Variants in THRB observed in about 807,000 individuals in gnomAD.
THRB encodes nuclear receptor subfamily 1 group A member 2.
THRB carries 12 observed loss-of-function variants against 47.8 expected under a neutral mutation model. The ratio of observed to expected loss-of-function variants is 0.25; its 90% CI spans 0.16 to 0.41. The LOEUF (loss-of-function observed/expected upper bound fraction) is 0.41, where lower values mean the gene tolerates loss of function less well. THRB is among the 10% of genes least tolerant of loss of function. The probability of loss-of-function intolerance (pLI) is 1.00; values close to 1 mark genes in which losing one functional copy is unlikely to be tolerated. For missense variants in THRB, 348 were observed against 589.2 expected (o/e 0.59, Z 4.24); for synonymous variants, 218 against 212.2 (o/e 1.03, Z -0.24).
At chr3:24,157,778 G>C (rs879303093) in intron 5 of THRB, among the ~76,000 whole-genome samples, 1 of 152,100 alleles carries the variant, frequency 6.6e-6, no homozygotes, top group East Asian at 1.9e-4. Flanking sequence ...CCAGCCTCCC[G>C]TCTTGGCCTC....
chr3:24,250,500 T>G (rs2050556831), intron 3 of THRB, among the ~76,000 whole-genome samples: 1 of 151,838 alleles, frequency 6.6e-6, no homozygotes. Context: ...AGTTCAAGAG[T>G]AGCCTGGACA....
At chr3:24,438,050 T>C (rs2071148663) in intron 1 of THRB, among the ~76,000 whole-genome samples, 1 of 150,708 alleles carries the variant, frequency 6.6e-6, no homozygotes, top group African/African-American at 2.4e-5. Flanking sequence ...TCTCATTTGG[T>C]CTTCATGAGA....
At chr3:24,183,363 C>CTT (rs2042158277) in intron 5 of THRB, among the ~76,000 whole-genome samples, 4 of 74,876 alleles carry the variant, frequency 5.3e-5, no homozygotes, top group South Asian at 4.2e-4. Flanking sequence ...TTTCTTTTTT[C>CTT]TTTTCTTTTT....
intron 8 of THRB, among the ~76,000 whole-genome samples, chr3:24,142,382 A>C (rs867321874): frequency 6.6e-6 from 1 of 152,234 alleles, no homozygotes; most frequent in Non-Finnish European, 1.5e-5. Flanking sequence ...CATTACAACG[A>C]AAGTAATTGT....
chr3:24,171,679 G>A lies in THRB; in HGVS notation c.283+18395C>T, dbSNP rs148680177. ...AGTGTTCTAGGGTTAAAAAGGTGCT[G>A]TGGAGGAAAGGGAGTAAAGGAACTT... On this transcript the variant is annotated intron_variant, in intron 5 of 10. Transcript: ENST00000646209. Among the ~76,000 whole-genome samples, 4 of 152,268 alleles carry A rather than the reference G, an allele frequency of 2.6e-5. No homozygotes were observed. The East Asian group carries it at 7.7e-4, about 29-fold the overall frequency.
intron 2 of THRB, among the ~76,000 whole-genome samples, chr3:24,319,831 A>G (rs748458569): frequency 6.6e-6 from 1 of 152,242 alleles, no homozygotes; most frequent in Non-Finnish European, 1.5e-5. Flanking sequence ...TTGCTTGTTC[A>G]GGGAAAAAGA....
intron 1 of THRB, among the ~76,000 whole-genome samples, chr3:24,395,295 TG>T (rs2150020331): frequency 6.6e-6 from 1 of 152,216 alleles, no homozygotes; most frequent in South Asian, 2.1e-4. Flanking sequence ...AAAACTTTTG[TG>T]CTTCAGTGAA....
intron 1 of THRB, among the ~76,000 whole-genome samples, chr3:24,435,879 A>G (rs565544552): frequency 1.3e-5 from 2 of 152,344 alleles, no homozygotes; most frequent in Non-Finnish European, 2.9e-5. Flanking sequence ...AGGCCTCAGT[A>G]TAATTCATTC....
chr3:24,235,989 T>C (rs2048824042), intron 3 of THRB, among the ~76,000 whole-genome samples: 2 of 152,120 alleles, frequency 1.3e-5, no homozygotes, highest in Non-Finnish European at 2.9e-5. Flanking sequence ...CACTTGAGCC[T>C]TCCCACAGCT....
rs139555243 is a variant in THRB, at chr3:24,221,877, T to C, written c.22+7061A>G. 1.8e-3 allele frequency among the ~76,000 whole-genome samples: 280 copies of C among 152,238 alleles called. 2 individuals are homozygous for C. Among genetic ancestry groups the C allele is most frequent in the African/African-American group, 6.0e-3 (249 of 41,544 alleles). ...TTTCAGAAAGCTCCCTACTTTTCTG[T>C]AGTAAGTTTCTCTTCCAAGAGAAGC... On this transcript the variant is annotated intron_variant, in intron 4 of 10. Coordinates refer to ENST00000646209, the MANE Select transcript of THRB (RefSeq NM_001354712.2).
Position 24,122,039 on chromosome 3 carries a change from G to A in THRB, c.*845C>T, listed in dbSNP as rs1352818295. 2 of 152,638 alleles carry A rather than the reference G, an allele frequency of 1.3e-5. No homozygotes were observed. The highest frequency in any genetic ancestry group is 4.8e-5 in the African/African-American group (2 of 41,444). 9.5% of individuals were successfully genotyped at this position (152,638 alleles called of 1,614,324 possible). ...ACAGATCAGATGCCACAGAAAAGGG[G>A]TGCCACCCTGTAAATAGGTTTGATT... On this transcript the variant is annotated 3_prime_UTR_variant, in exon 11 of 11. Transcript: ENST00000646209.
intron 2 of THRB, among the ~76,000 whole-genome samples, chr3:24,328,880 C>T (rs983542464): frequency 2.0e-5 from 3 of 152,152 alleles, no homozygotes; most frequent in Non-Finnish European, 2.9e-5. Context: ...AATATCCAAA[C>T]GCCTTAGACT....
chr3:24,174,795 A>G (rs1337996860), intron 5 of THRB, among the ~76,000 whole-genome samples: 1 of 152,158 alleles, frequency 6.6e-6, no homozygotes, highest in African/African-American at 2.4e-5. Flanking sequence ...CCTCACAGCA[A>G]TCCTGCTTGT....
intron 9 of THRB, 89 bp downstream of exon 9, chr3:24,133,227 A>G (rs2034139534): frequency 4.2e-6 from 6 of 1,435,516 alleles, no homozygotes; most frequent in Admixed American, 1.7e-5. Flanking sequence ...CCTACTAATT[A>G]ACATTAAATT....
At chr3:24,216,602 C>T (rs999339796) in intron 4 of THRB, among the ~76,000 whole-genome samples, 15 of 148,708 alleles carry the variant, frequency 1.0e-4, no homozygotes, top group Admixed American at 5.3e-4. Flanking sequence ...AGCGAGACTC[C>T]GCCTCAAAAA....
intron 1 of THRB, among the ~76,000 whole-genome samples, chr3:24,465,068 G>C (rs1322788378): frequency 6.6e-6 from 1 of 151,104 alleles, no homozygotes; most frequent in Non-Finnish European, 1.5e-5. Flanking sequence ...TTCTTTCTTG[G>C]TTCAATTCTC....
rs1376047318 is a variant in THRB at position 24,483,812 on chromosome 3, C to T, written c.-261+10840G>A. The T allele has an allele frequency of 3.3e-5, 5 of 152,340 alleles. No individual in the cohort carries two copies. The South Asian group carries it at 8.3e-4, about 25-fold the overall frequency. The allele number at this position is 152,340 out of a possible 1,614,324, so 9.4% of individuals were successfully genotyped here. ...CAATTCACTGCTCACCAAATTCTTG[C>T]TCCCCTTTCCACAGTACAGACACAT... On this transcript the variant is annotated intron_variant, in intron 1 of 10. Transcript: ENST00000646209.
intron 5 of THRB, among the ~76,000 whole-genome samples, chr3:24,168,775 C>G (rs1185245267): frequency 6.6e-6 from 1 of 151,434 alleles, no homozygotes; most frequent in African/African-American, 2.4e-5. Context: ...CAGGCTTCAC[C>G]TGCCTTTGAG....
intron 1 of THRB, among the ~76,000 whole-genome samples, chr3:24,475,107 A>C (rs1434342921): frequency 6.6e-6 from 1 of 152,214 alleles, no homozygotes; most frequent in Non-Finnish European, 1.5e-5. Context: ...CTTGAAGGCA[A>C]CAGGGCTACT....
Sources: allele counts gnomAD v4.1 joint callset (sites outside exome capture counted in the v4.1 genomes callset), GRCh38; gene constraint gnomAD v4.1.1; transcripts MANE v1.5; gene names NCBI Gene and HGNC (gene_info 2026-07-23, HGNC 2026-07-21).